The following PARD3 variants were observed in gnomAD, a reference collection of about 807,000 sequenced individuals.
PARD3 encodes the protein partitioning defective 3 homolog.
A neutral mutation model predicts 155.4 loss-of-function variants in PARD3; 75 were observed. The ratio of observed to expected loss-of-function variants is 0.48; its 90% CI spans 0.40 to 0.58. The LOEUF is 0.58. Ranked by LOEUF, PARD3 falls within the 20% of genes least tolerant of loss-of-function variation. The pLI is 0.00. For missense variants in PARD3, 1,642 were observed against 1,721.7 expected, an observed-to-expected ratio of 0.95 and a Z score of 0.82; for synonymous variants, 576 against 610.5, an observed-to-expected ratio of 0.94 and a Z score of 0.83.
intron 3 of PARD3, among the ~76,000 whole-genome samples, chr10:34,472,138 AAC>A (rs1336159366): frequency 6.6e-6 from 1 of 152,220 alleles, no homozygotes; most frequent in Non-Finnish European, 1.5e-5. Context: ...CAATAATAAC[AAC>A]ACAGTCTGAG....
intron 5 of PARD3, 63 bp from the exon 6 acceptor site, chr10:34,401,980 G>A: frequency 7.8e-7 from 1 of 1,276,012 alleles, no homozygotes. Context: ...CAATGTGAAA[G>A]GAAACTGGAT....
chr10:34,170,915 C>T (rs1949756135), intron 22 of PARD3, among the ~76,000 whole-genome samples: 1 of 152,176 alleles, frequency 6.6e-6, no homozygotes, highest in Non-Finnish European at 1.5e-5. Context: ...GAATAATGTG[C>T]TAGACGCGGA....
intron 5 of PARD3, among the ~76,000 whole-genome samples, chr10:34,411,529 T>C (rs996705272): frequency 6.6e-6 from 1 of 152,056 alleles, no homozygotes; most frequent in African/African-American, 2.4e-5. Context: ...GAGATACTGG[T>C]CTTTTCTTGC....
At chr10:34,462,862 G>A (rs1276196662) in intron 4 of PARD3, among the ~76,000 whole-genome samples, 4 of 147,690 alleles carry the variant, frequency 2.7e-5, no homozygotes, top group African/African-American at 1.0e-4. Context: ...AAAACGGAAA[G>A]GGAAGAGGAA....
At chr10:34,244,889 C>T (rs1242630968) in intron 22 of PARD3, among the ~76,000 whole-genome samples, 1 of 152,140 alleles carries the variant, frequency 6.6e-6, no homozygotes, top group Non-Finnish European at 1.5e-5. Flanking sequence ...TCCTTATCTC[C>T]TTAAGATAAG....
rs957638298 is a variant in PARD3, at chr10:34,189,398, T to C, written c.3420-57815A>G. ...TTTCCTTCTTTATGGGGTTAACACT[T>C]TGTTGGTGGTGCAAACGCCATAGGG... is the stretch of plus-strand genomic sequence containing the variant. On this transcript the variant is annotated intron_variant, in intron 22 of 24. Transcript: ENST00000374788. 2.6e-5 allele frequency among the ~76,000 whole-genome samples: 4 copies of C among 152,184 alleles called. 1 individual carries two copies. In the South Asian group the frequency reaches 8.3e-4, roughly 32 times the overall value.
At chr10:34,319,174 C>T (rs1958219183) in intron 19 of PARD3, among the ~76,000 whole-genome samples, 1 of 150,854 alleles carries the variant, frequency 6.6e-6, no homozygotes, top group Non-Finnish European at 1.5e-5. Flanking sequence ...CTGCAATCTC[C>T]ACCTCCCGGG....
chr10:34,513,468 A>C (rs1474581974), intron 3 of PARD3, among the ~76,000 whole-genome samples: 4 of 152,144 alleles, frequency 2.6e-5, no homozygotes, highest in South Asian at 2.1e-4. Context: ...TTTTTGGTAG[A>C]GACAGGGTTT....
chr10:34,786,555 C>G (rs1840984339), intron 1 of PARD3, among the ~76,000 whole-genome samples: 1 of 152,174 alleles, frequency 6.6e-6, no homozygotes, highest in East Asian at 1.9e-4. Context: ...GAGGACTGAT[C>G]AGCAATTTTA....
At chr10:34,553,272 T>C (rs781048543) in intron 2 of PARD3, among the ~76,000 whole-genome samples, 1 of 152,118 alleles carries the variant, frequency 6.6e-6, no homozygotes, top group Non-Finnish European at 1.5e-5. Context: ...AAGGGCTGGT[T>C]AAAGGAAGGC....
chr10:34,142,369 C>T (rs1190865877), intron 22 of PARD3, among the ~76,000 whole-genome samples: 2 of 151,626 alleles, frequency 1.3e-5, no homozygotes, highest in Non-Finnish European at 2.9e-5. Flanking sequence ...TCGCAAGACC[C>T]CATCTCTAAA....
intron 2 of PARD3, among the ~76,000 whole-genome samples, chr10:34,595,109 G>A (rs996079077): frequency 6.6e-6 from 1 of 152,188 alleles, no homozygotes; most frequent in Admixed American, 6.5e-5. Flanking sequence ...TCAAGAACAT[G>A]AATACTTTTT....
At chr10:34,162,093 C>T (rs1017315535) in intron 22 of PARD3, among the ~76,000 whole-genome samples, 3 of 151,762 alleles carry the variant, frequency 2.0e-5, no homozygotes. Flanking sequence ...GGGAAGGGTC[C>T]CTGAAGAATC....
intron 2 of PARD3, among the ~76,000 whole-genome samples, chr10:34,608,534 C>CTT (rs71299715): frequency 0.073 from 9,155 of 125,296 alleles, 1,336 homozygotes; most frequent in African/African-American, 0.26. Flanking sequence ...AAAAAGAATA[C>CTT]TTTTTTTTTT....
chr10:34,747,888 C>T (rs891553318), intron 1 of PARD3, among the ~76,000 whole-genome samples: 12 of 152,202 alleles, frequency 7.9e-5, no homozygotes, highest in East Asian at 3.9e-4. Context: ...TTGCCTACAG[C>T]GGCTGGAAAA....
intron 22 of PARD3, among the ~76,000 whole-genome samples, chr10:34,225,652 G>T (rs1252066379): frequency 6.6e-6 from 1 of 152,094 alleles, no homozygotes; most frequent in Non-Finnish European, 1.5e-5. Context: ...GGCCAGACTG[G>T]TCTGTTTTAA....
chr10:34,247,600 A>T (rs1954039521), intron 22 of PARD3, among the ~76,000 whole-genome samples: 1 of 152,328 alleles, frequency 6.6e-6, no homozygotes, highest in East Asian at 1.9e-4. Flanking sequence ...CTTCAAATAC[A>T]TGCTAAAGAA....
At chr10:34,471,987 T>G (rs928192494) in intron 3 of PARD3, among the ~76,000 whole-genome samples, 1 of 152,224 alleles carries the variant, frequency 6.6e-6, no homozygotes, top group African/African-American at 2.4e-5. Flanking sequence ...AGGCTATTTA[T>G]ATACAGTGAA....
At chr10:34,364,101 C>T (rs1371470175) in intron 12 of PARD3, among the ~76,000 whole-genome samples, 3 of 152,080 alleles carry the variant, frequency 2.0e-5, no homozygotes, top group Non-Finnish European at 4.4e-5. Context: ...GGCCTATAGG[C>T]CCAAATCCAC....
Sources: allele counts gnomAD v4.1 joint callset (sites outside exome capture counted in the v4.1 genomes callset), GRCh38; gene constraint gnomAD v4.1.1; transcripts MANE v1.5; gene names NCBI Gene and HGNC (gene_info 2026-07-23, HGNC 2026-07-21).